EPHB6: variants seen among roughly 807,000 people sequenced by gnomAD.
EPHB6 encodes EPH receptor B6.
In EPHB6, 51 loss-of-function variants were observed where a neutral mutation model predicts 107.0. The ratio of observed to expected loss-of-function variants is 0.48; its 90% CI spans 0.38 to 0.60. The LOEUF (loss-of-function observed/expected upper bound fraction) is 0.60, where lower values mean the gene tolerates loss of function less well. Ranked by LOEUF, EPHB6 falls within the 20% of genes least tolerant of loss-of-function variation. The pLI is 0.00. For missense variants in EPHB6, 1,141 were observed against 1,355.5 expected (o/e 0.84, Z 2.48); for synonymous variants, 553 against 549.0 (o/e 1.01, Z -0.10).
At position 142,868,885 on chromosome 7, in the gene EPHB6, C is replaced by T. The variant is rs116095170; in HGVS notation, c.2287-89C>T. Reference sequence around the variant, plus strand: ...GCCATTTTCTGATTCGACACCCTCCCGCTCTCATGCTGTTGTCTGCTATGC... The same window carrying T: ...GCCATTTTCTGATTCGACACCCTCCTGCTCTCATGCTGTTGTCTGCTATGC... On this transcript the variant is annotated intron_variant, in intron 15 of 19. Coordinates refer to ENST00000652003, the MANE Select transcript of EPHB6 (RefSeq NM_004445.6). The surrounding 1 kb of genome is among the most constrained non-coding windows in gnomAD (Gnocchi z 4.2). The T allele has an allele frequency of 2.7e-4, 431 of 1,586,366 alleles. 1 individual carries two copies. The African/African-American group carries it at 4.8e-3, about 18-fold the overall frequency.
Position 142,868,892 on chromosome 7 carries a change from A to T in EPHB6, c.2287-82A>T, listed in dbSNP as rs1005812743. On this transcript the variant is annotated intron_variant, in intron 15 of 19. Transcript: ENST00000652003. This position sits in a 1 kb window ranked among gnomAD's most constrained non-coding sequence, Gnocchi z 4.2. Reference sequence around the variant, plus strand: ...TCTGATTCGACACCCTCCCGCTCTCATGCTGTTGTCTGCTATGCAGTATGT... The same window carrying T: ...TCTGATTCGACACCCTCCCGCTCTCTTGCTGTTGTCTGCTATGCAGTATGT... 1.3e-6 allele frequency: 2 copies of T among 1,584,116 alleles called. No homozygotes were observed. The highest frequency in any genetic ancestry group is 2.7e-5 in the African/African-American group (2 of 74,000).
rs1320448164 is a variant in EPHB6, at chr7:142,863,692, G to A, written c.162G>A (p.Gly54=). The A allele has an allele frequency of 1.2e-6, 2 of 1,613,760 alleles. No homozygotes were observed. The highest frequency in any genetic ancestry group is 1.3e-5 in the African/African-American group (1 of 74,882). The stretch of plus-strand genomic sequence containing the variant: ...TTGGCTGGCTCACCTACCCACCAGG[G>A]GGGGTGAGTGCCACTCTAATTCTGA... ...SEIGWLTYPP[G]GWDEVSVLDD... is the part of the protein sequence containing the mutation. The change falls in exon 6 of 20, where the codon GGG becomes GGA. Residue 54 remains glycine, a synonymous_variant. Coordinates refer to ENST00000652003, the MANE Select transcript of EPHB6 (RefSeq NM_004445.6).
rs770526936 is a variant in EPHB6, at chr7:142,870,969, C to T, written c.*65C>T. On this transcript the variant is annotated 3_prime_UTR_variant, in exon 20 of 20. Coordinates refer to ENST00000652003, the MANE Select transcript of EPHB6 (RefSeq NM_004445.6). ...GAGAAGGGACATGTGGGACGTGAGC[C>T]GGGCTCCAACAGCCTCTGTGAGAGA... is the stretch of plus-strand genomic sequence containing the variant. 3.1e-5 allele frequency: 46 copies of T among 1,479,534 alleles called. No individual in the cohort carries two copies. The highest frequency in any genetic ancestry group is 8.2e-5 in the South Asian group (7 of 85,060). 91.7% of individuals were successfully genotyped at this position (1,479,534 alleles called of 1,614,324 possible). A position where few individuals can be genotyped will look rare whatever the true frequency, so the allele number is the denominator to read the frequency against.
Position 142,861,066 on chromosome 7 carries a change from T to C in EPHB6, c.-417T>C, listed in dbSNP as rs570870050. On this transcript the variant is annotated 5_prime_UTR_variant, in exon 2 of 20. Transcript: ENST00000652003. ...TTTCTTCACAGAAATAAAGGGATTATAGTCCACCCAATTCACAGACTTCTG... is the reference window on the plus strand; with the variant it reads ...TTTCTTCACAGAAATAAAGGGATTACAGTCCACCCAATTCACAGACTTCTG... 1 of 152,290 alleles carries C rather than the reference T, an allele frequency of 6.6e-6. No homozygotes were observed. Among genetic ancestry groups the C allele is most frequent in the East Asian group, 1.9e-4 (1 of 5,178 alleles). 9.4% of individuals were successfully genotyped at this position (152,290 alleles called of 1,614,324 possible). A position where few individuals can be genotyped will look rare whatever the true frequency, so the allele number is the denominator to read the frequency against.
chr7:142,865,906 A>G, intron 8 of EPHB6, 54 bp from the exon 9 acceptor site: 1 of 1,554,952 alleles, frequency 6.4e-7, no homozygotes, highest in Non-Finnish European at 8.8e-7. Context: ...TTCCTCAATC[A>G]CCCCCACTGC....
rs1440756812 is a variant in EPHB6 at position 142,869,401 on chromosome 7, TC to T, written c.2460+259del. Among the ~76,000 whole-genome samples the T allele has an allele frequency of 6.6e-6, 1 of 152,042 alleles. No homozygotes were observed. Among genetic ancestry groups the T allele is most frequent in the Non-Finnish European group, 1.5e-5 (1 of 67,998 alleles). ...ACAATCTAGAACTACCTCCTGCCCT[TC>T]CCCCATTGTGGAGATTACACAGACT... On this transcript the variant is annotated intron_variant, in intron 16 of 19. Coordinates refer to ENST00000652003, the MANE Select transcript of EPHB6 (RefSeq NM_004445.6). The surrounding 1 kb of genome is among the most constrained non-coding windows in gnomAD (Gnocchi z 4.5).
Position 142,868,665 on chromosome 7 carries a change from G to A in EPHB6, c.2212G>A (p.Val738Met), listed in dbSNP as rs367947692. The change falls in exon 15 of 20, where the codon GTG becomes ATG. Residue 738 changes from valine to methionine, a missense_variant. Around this residue, in one of 3 missense-constraint regions of EPHB6, gnomAD observed 616 missense variants for 759.3 expected, o/e 0.81. Coordinates refer to ENST00000652003, the MANE Select transcript of EPHB6 (RefSeq NM_004445.6). This position sits in a 1 kb window ranked among gnomAD's most constrained non-coding sequence, Gnocchi z 4.2. The part of the protein sequence containing the change: ...QHPNILRLEG[V>M]VTKSRPLMVL... Reference sequence around the variant, plus strand: ...CCCCAACATCCTGCGGCTGGAGGGCGTGGTCACCAAGAGCCGACCCCTCAT... The same window carrying A: ...CCCCAACATCCTGCGGCTGGAGGGCATGGTCACCAAGAGCCGACCCCTCAT... The A allele has an allele frequency of 1.7e-4, 280 of 1,613,796 alleles. No homozygotes were observed. The highest frequency in any genetic ancestry group is 2.1e-4 in the Non-Finnish European group (242 of 1,180,036).
rs1194899698 is a variant in EPHB6, at chr7:142,870,802, G to C, written c.2967G>C (p.Leu989=). 1 of 1,614,058 alleles carries C rather than the reference G, an allele frequency of 6.2e-7. No homozygotes were observed. Among genetic ancestry groups the C allele is most frequent in the African/African-American group, 1.3e-5 (1 of 74,944 alleles). Residue 989 remains leucine (L), a synonymous_variant, in exon 20 of 20, where the codon CTG becomes CTC. Coordinates refer to ENST00000652003, the MANE Select transcript of EPHB6 (RefSeq NM_004445.6). ...SDVAQLSLED[L]PALGITLAGH... ...TCCCTTCCCTCCCCACCAGAGACCT[G>C]CCTGCCCTGGGCATCACCCTGGCTG... is the stretch of plus-strand genomic sequence containing the variant.
At chr7:142,861,577 G>T (rs1175645331) in intron 2 of EPHB6, among the ~76,000 whole-genome samples, 1 of 152,100 alleles carries the variant, frequency 6.6e-6, no homozygotes, top group Non-Finnish European at 1.5e-5. Flanking sequence ...TAACAAAGGG[G>T]AGCTTACTTT....
intron 7 of EPHB6, 76 bp downstream of exon 7, chr7:142,864,825 CCAAAATT>C: frequency 6.4e-7 from 1 of 1,556,104 alleles, no homozygotes; most frequent in South Asian, 1.1e-5. Context: ...TCTGAACACC[CCAAAATT>C]CATTTTATCT....
chr7:142,864,615 A>T lies in EPHB6; in HGVS notation c.815A>T (p.Asp272Val). The T allele has an allele frequency of 1.2e-6, 2 of 1,612,452 alleles. No homozygotes were observed. Among genetic ancestry groups the T allele is most frequent in the Non-Finnish European group, 1.7e-6 (2 of 1,179,614 alleles). Reference sequence around the variant, plus strand: ...GTGGCTCATGCAGAGCCAGAGGAGGATGGAGTAGGGGGCCAGGCAGGAGGC... The same window carrying T: ...GTGGCTCATGCAGAGCCAGAGGAGGTTGGAGTAGGGGGCCAGGCAGGAGGC... ...TCVAHAEPEE[D>V]GVGGQAGGSP... Residue 272 changes from aspartate (D) to valine (V), a missense_variant, in exon 7 of 20, where the codon GAT (aspartate) becomes GTT (valine). Around this residue, in one of 3 missense-constraint regions of EPHB6, gnomAD observed 304 missense variants for 295.7 expected, o/e 1.03. Transcript: ENST00000652003.
rs1794648198 is a variant in EPHB6, at chr7:142,867,217, G to A, written c.1750+149G>A. The stretch of plus-strand genomic sequence containing the variant: ...GGAGAGTGCCTTTTGCTCAGCAGCT[G>A]ACCTAGGGGCTACTCGGGGAGGTGG... On this transcript the variant is annotated intron_variant, in intron 11 of 19. Transcript: ENST00000652003. This position sits in a 1 kb window ranked among gnomAD's most constrained non-coding sequence, Gnocchi z 5.3. 1.0e-6 allele frequency: 1 copy of A among 982,824 alleles called. No individual in the cohort carries two copies. The highest frequency in any genetic ancestry group is 1.6e-5 in the African/African-American group (1 of 61,126). The allele number at this position is 982,824 out of a possible 1,614,324, so 60.9% of individuals were successfully genotyped here. A position where few individuals can be genotyped will look rare whatever the true frequency, so the allele number is the denominator to read the frequency against.
rs1384517017 is a variant in EPHB6, at chr7:142,870,610, G to T, written c.2885G>T (p.Gly962Val). 1.9e-6 allele frequency: 3 copies of T among 1,614,136 alleles called. No individual in the cohort carries two copies. Among genetic ancestry groups the T allele is most frequent in the African/African-American group, 1.3e-5 (1 of 74,950 alleles). ...CCCCAGGCCTGGCTTTCAGCCATTG[G>T]ACTGGAGTGCTACCAGGACAACTTC... The part of the protein sequence containing the change: ...DSPQAWLSAI[G>V]LECYQDNFSK... Residue 962 changes from glycine (G) to valine (V), a missense_variant, in exon 19 of 20, where the codon GGA becomes GTA. This residue lies in a region of EPHB6 where 616 missense variants were observed against 759.3 expected (regional missense o/e 0.81). Coordinates refer to ENST00000652003, the MANE Select transcript of EPHB6 (RefSeq NM_004445.6).
Position 142,868,787 on chromosome 7 carries a change from C to T in EPHB6, c.2286+48C>T, listed in dbSNP as rs778013155. 3.0e-5 allele frequency: 49 copies of T among 1,613,312 alleles called. No individual in the cohort carries two copies. Among genetic ancestry groups the T allele is most frequent in the Non-Finnish European group, 4.1e-5 (48 of 1,179,992 alleles). ...AGGAGGGTCCTTGGGTCCAGGAAAG[C>T]TTCCAGGAGACGAGGTCCTGTATCT... On this transcript the variant is annotated intron_variant, in intron 15 of 19. Coordinates refer to ENST00000652003, the MANE Select transcript of EPHB6 (RefSeq NM_004445.6). The surrounding 1 kb of genome is among the most constrained non-coding windows in gnomAD (Gnocchi z 4.2).
In EPHB6 at chr7:142,867,507, GC is replaced by G. The variant is rs1416680431; in HGVS notation, c.1751-100del. 4 of 972,536 alleles carry G rather than the reference GC, an allele frequency of 4.1e-6. No homozygotes were observed. The highest frequency in any genetic ancestry group is 6.4e-6 in the Non-Finnish European group (4 of 626,078). 60.2% of individuals were successfully genotyped at this position (972,536 alleles called of 1,614,324 possible). A position where few individuals can be genotyped will look rare whatever the true frequency, so the allele number is the denominator to read the frequency against. On this transcript the variant is annotated intron_variant, in intron 11 of 19. Transcript: ENST00000652003. The surrounding 1 kb of genome is among the most constrained non-coding windows in gnomAD (Gnocchi z 5.3). ...TGTGGGAGGTTTGGGGCATGCGCGTGCATGTTGTGTGTGCCTGTGGTGTGTG... is the reference window on the plus strand; with the variant it reads ...TGTGGGAGGTTTGGGGCATGCGCGTGATGTTGTGTGTGCCTGTGGTGTGTG...
Position 142,870,300 on chromosome 7 carries a change from G to A in EPHB6, c.2697G>A (p.Trp899Ter). Residue 899 changes from tryptophan (W) to a stop codon, truncating the protein, a stop_gained, in exon 18 of 20, where the codon TGG (tryptophan) becomes TGA (stop). Transcript: ENST00000652003. LOFTEE classifies it high-confidence loss of function. ...TACATCTACTTATGTTGGACACTTG[G>A]CAGAAGGACCGTGCCCGGCGGCCTC... Reference protein sequence around the residue: ...PGLHLLMLDTWQKDRARRPHF... With the variant: ...PGLHLLMLDT 1 of 1,614,220 alleles carries A rather than the reference G, an allele frequency of 6.2e-7. No individual in the cohort carries two copies. The highest frequency in any genetic ancestry group is 8.5e-7 in the Non-Finnish European group (1 of 1,180,040).
At chr7:142,863,922 C>T (rs1471751509) in intron 6 of EPHB6, 44 bp from the exon 7 acceptor site, 4 of 1,613,754 alleles carry the variant, frequency 2.5e-6, no homozygotes. Context: ...CCTCGCCGTG[C>T]TTAAGCCCGG....
In EPHB6 at chr7:142,867,034, C is replaced by T. The variant is rs374579925; in HGVS notation, c.1716C>T (p.Tyr572=). 3.8e-5 allele frequency: 62 copies of T among 1,613,838 alleles called. No homozygotes were observed. Among genetic ancestry groups the T allele is most frequent in the Middle Eastern group, 3.3e-4 (2 of 6,084 alleles). Residue 572 remains tyrosine (Y), a synonymous_variant, in exon 11 of 20, where the codon TAC becomes TAT. Coordinates refer to ENST00000652003, the MANE Select transcript of EPHB6 (RefSeq NM_004445.6). This position sits in a 1 kb window ranked among gnomAD's most constrained non-coding sequence, Gnocchi z 5.3. The stretch of plus-strand genomic sequence containing the variant: ...GGACTGCTGCCGGCCACGGCCCCTA[C>T]GGGGGCAAAGTCTATTTCCAGACAC... The part of the protein sequence containing the change: ...RARTAAGHGP[Y]GGKVYFQTLP...
At chr7:142,856,874 G>A (rs1405946280) in intron 1 of EPHB6, among the ~76,000 whole-genome samples, 1 of 152,158 alleles carries the variant, frequency 6.6e-6, no homozygotes, top group African/African-American at 2.4e-5. Context: ...TACACAGACA[G>A]CATCTGCTCC....
Sources: allele counts gnomAD v4.1 joint callset (sites outside exome capture counted in the v4.1 genomes callset), GRCh38; gene constraint gnomAD v4.1.1; regional missense constraint gnomAD v4.1.1; non-coding constraint Gnocchi (gnomAD v3.1); transcripts MANE v1.5; gene names NCBI Gene and HGNC (gene_info 2026-07-23, HGNC 2026-07-21).